RBFOX3: variants seen among roughly 807,000 people sequenced by gnomAD.
RBFOX3 encodes the protein RNA binding fox-1 homolog 3, also known as RNA binding protein fox-1 homolog 3.
A neutral mutation model predicts 48.7 loss-of-function variants in RBFOX3; 17 were observed. The ratio of observed to expected loss-of-function variants is 0.35; its 90% CI spans 0.24 to 0.52. RBFOX3 has a LOEUF of 0.52. Among genes scored for constraint, RBFOX3 ranks in the 20% least tolerant of loss-of-function variants. The pLI is 0.94. For synonymous variants in RBFOX3, 212 were observed against 209.5 expected (o/e 1.01, Z -0.10); for missense variants, 382 against 497.5 (o/e 0.77, Z 2.21).
intron 3 of RBFOX3, among the ~76,000 whole-genome samples, chr17:79,273,105 C>T (rs2143831443): frequency 6.6e-6 from 1 of 152,310 alleles, no homozygotes; most frequent in African/African-American, 2.4e-5. Context: ...TGACCTGTGA[C>T]TACCAGGAGT....
At chr17:79,478,284 C>T (rs532730027) in intron 2 of RBFOX3, among the ~76,000 whole-genome samples, 30 of 152,342 alleles carry the variant, frequency 2.0e-4, no homozygotes, top group Admixed American at 7.2e-4. Flanking sequence ...TGTGTTGCCG[C>T]TCATGGGTGC....
intron 1 of RBFOX3, among the ~76,000 whole-genome samples, chr17:79,554,245 T>C (rs1727778380): frequency 6.6e-6 from 1 of 152,226 alleles, no homozygotes; most frequent in Non-Finnish European, 1.5e-5. Flanking sequence ...GAGTTACTTT[T>C]GTTCTCTCAT....
At chr17:79,138,539 T>G (rs1206255449) in intron 4 of RBFOX3, among the ~76,000 whole-genome samples, 1 of 152,068 alleles carries the variant, frequency 6.6e-6, no homozygotes, top group Non-Finnish European at 1.5e-5. Flanking sequence ...ACACTGTGCA[T>G]GCTCACTCCT....
At chr17:79,606,295 CTTGT>C (rs2093828783) in intron 1 of RBFOX3, among the ~76,000 whole-genome samples, 1 of 152,198 alleles carries the variant, frequency 6.6e-6, no homozygotes, top group South Asian at 2.1e-4. Flanking sequence ...AGAAAACATA[CTTGT>C]CCACTTAGCA....
At chr17:79,389,157 G>A (rs994900239) in intron 2 of RBFOX3, among the ~76,000 whole-genome samples, 2 of 152,184 alleles carry the variant, frequency 1.3e-5, no homozygotes, top group African/African-American at 2.4e-5. Context: ...TTTGAAGTTT[G>A]GGGTCCCCTT....
intron 1 of RBFOX3, among the ~76,000 whole-genome samples, chr17:79,609,053 C>T (rs386829736): frequency 0.061 from 9,221 of 152,220 alleles, 1,186 homozygotes; most frequent in East Asian, 0.55. Context: ...CCTCTCTCCC[C>T]TCACAATTTT....
chr17:79,486,783 A>G (rs1275029016), intron 1 of RBFOX3, among the ~76,000 whole-genome samples: 1 of 152,160 alleles, frequency 6.6e-6, no homozygotes, highest in Non-Finnish European at 1.5e-5. Flanking sequence ...GGGGGGCCTC[A>G]GTCTCAGAGA....
the RBFOX3 span, among the ~76,000 whole-genome samples, chr17:79,620,359 G>GCA: frequency 2.3e-5 from 3 of 128,900 alleles, no homozygotes; most frequent in African/African-American, 9.0e-5. Context: ...ACACGGACAT[G>GCA]GACACACACG....
At chr17:79,457,711 G>A (rs884022) in intron 2 of RBFOX3, among the ~76,000 whole-genome samples, 4 of 152,180 alleles carry the variant, frequency 2.6e-5, no homozygotes, top group African/African-American at 7.2e-5. Flanking sequence ...GGCTGTCCCC[G>A]CGATGTCCCT....
At chr17:79,153,222 C>T (rs570328383) in intron 4 of RBFOX3, among the ~76,000 whole-genome samples, 3 of 152,302 alleles carry the variant, frequency 2.0e-5, no homozygotes, top group East Asian at 1.9e-4. Context: ...GGGTGGGTGG[C>T]GGACACAGCA....
intron 3 of RBFOX3, among the ~76,000 whole-genome samples, chr17:79,246,699 G>A (rs766014452): frequency 2.6e-5 from 4 of 152,174 alleles, no homozygotes; most frequent in African/African-American, 7.2e-5. Flanking sequence ...AGACCCATCC[G>A]ACATCCCTTG....
chr17:79,159,081 C>T (rs1452381750), intron 4 of RBFOX3, among the ~76,000 whole-genome samples: 1 of 152,174 alleles, frequency 6.6e-6, no homozygotes, highest in African/African-American at 2.4e-5. Flanking sequence ...ATGCAGCTAC[C>T]GAGGCCACAC....
chr17:79,439,182 G>A (rs1424264377), intron 2 of RBFOX3, among the ~76,000 whole-genome samples: 6 of 152,164 alleles, frequency 3.9e-5, no homozygotes, highest in African/African-American at 1.4e-4. Flanking sequence ...AGGTCTGGCC[G>A]TAAATCCCAG....
intron 9 of RBFOX3, among the ~76,000 whole-genome samples, chr17:79,101,073 C>T (rs1442228205): frequency 6.6e-6 from 1 of 152,198 alleles, no homozygotes; most frequent in Non-Finnish European, 1.5e-5. Flanking sequence ...CATCGAACAG[C>T]TCTGGGGGAT....
At chr17:79,349,277 T>C (rs2083444465) in intron 2 of RBFOX3, among the ~76,000 whole-genome samples, 1 of 152,074 alleles carries the variant, frequency 6.6e-6, no homozygotes, top group Non-Finnish European at 1.5e-5. Context: ...GGCACAGTCC[T>C]GCCTGCACCC....
At chr17:79,654,143 C>A in the RBFOX3 span, among the ~76,000 whole-genome samples, 1 of 152,132 alleles carries the variant, frequency 6.6e-6, no homozygotes, top group Admixed American at 6.5e-5. Flanking sequence ...CTTGCAAAGG[C>A]CTTCCAGTTT....
rs1025748619 is a variant in RBFOX3 at position 79,120,948 on chromosome 17, C to A, written c.-33-5200G>T. 4.6e-5 allele frequency among the ~76,000 whole-genome samples: 7 copies of A among 152,066 alleles called. No individual in the cohort carries two copies. The South Asian group carries it at 8.3e-4, about 18-fold the overall frequency. ...AAACACAAAATCACCCTGAATGATT[C>A]ATTCAGAATCCATGACCACCCCCTG... On this transcript the variant is annotated intron_variant, in intron 4 of 14. Transcript: ENST00000693108.
intron 2 of RBFOX3, among the ~76,000 whole-genome samples, chr17:79,457,352 G>C (rs1380967451): frequency 1.3e-5 from 2 of 152,220 alleles, no homozygotes; most frequent in Non-Finnish European, 2.9e-5. Context: ...CTCCTCACTG[G>C]GGTGTTGAGG....
intron 4 of RBFOX3, among the ~76,000 whole-genome samples, chr17:79,166,592 C>T (rs1258117625): frequency 6.6e-6 from 1 of 152,122 alleles, no homozygotes; most frequent in Non-Finnish European, 1.5e-5. Context: ...CACCCCAGCA[C>T]CGAGATCCGG....
Sources: allele counts gnomAD v4.1 joint callset (sites outside exome capture counted in the v4.1 genomes callset), GRCh38; gene constraint gnomAD v4.1.1; transcripts MANE v1.5; gene names NCBI Gene and HGNC (gene_info 2026-07-23, HGNC 2026-07-21).